ESRRG: variants seen among roughly 807,000 people sequenced by gnomAD.
ESRRG encodes estrogen-related receptor gamma.
ESRRG carries 13 observed loss-of-function variants against 44.0 expected under a neutral mutation model. The observed-to-expected ratio is 0.30, with a 90% CI of 0.19 to 0.47. ESRRG has a LOEUF of 0.47. Ranked by LOEUF, ESRRG falls within the 20% of genes least tolerant of loss-of-function variation. The probability of loss-of-function intolerance (pLI) is 1.00; values close to 1 mark genes in which losing one functional copy is unlikely to be tolerated. For synonymous variants in ESRRG, 215 were observed against 214.6 expected, an observed-to-expected ratio of 1.00 and a Z score of -0.02; for missense variants, 395 against 580.6, an observed-to-expected ratio of 0.68 and a Z score of 3.29.
intron 1 of ESRRG, among the ~76,000 whole-genome samples, chr1:216,956,529 T>C (rs1363786327): frequency 1.3e-5 from 2 of 152,206 alleles, no homozygotes; most frequent in African/African-American, 2.4e-5. Context: ...TATTTTGAAG[T>C]CAGGTAGTGT....
chr1:216,884,588 C>T (rs967424112), intron 2 of ESRRG, among the ~76,000 whole-genome samples: 17 of 152,196 alleles, frequency 1.1e-4, no homozygotes, highest in African/African-American at 4.1e-4. Flanking sequence ...CTGCTAAAAT[C>T]TTTGCTTTGG....
chr1:216,926,744 T>A (rs1241827159), intron 2 of ESRRG, among the ~76,000 whole-genome samples: 1 of 152,154 alleles, frequency 6.6e-6, no homozygotes, highest in East Asian at 1.9e-4. Flanking sequence ...AAGCATATAA[T>A]ATTTCCCCTG....
intron 2 of ESRRG, among the ~76,000 whole-genome samples, chr1:216,777,203 T>A (rs1002634163): frequency 3.9e-5 from 6 of 152,020 alleles, no homozygotes; most frequent in Non-Finnish European, 8.8e-5. Context: ...CACTGTATAT[T>A]ATGGGGTAAC....
chr1:216,690,878 A>G (rs2151725232), intron 1 of ESRRG, among the ~76,000 whole-genome samples: 1 of 152,306 alleles, frequency 6.6e-6, no homozygotes, highest in Admixed American at 6.5e-5. Flanking sequence ...TAAGGCCTGC[A>G]GTGAAAAATA....
chr1:216,771,772 G>A (rs147709639), intron 2 of ESRRG, among the ~76,000 whole-genome samples: 5 of 151,052 alleles, frequency 3.3e-5, no homozygotes, highest in African/African-American at 1.2e-4. Flanking sequence ...TAGAAATACA[G>A]GTGGTAAATT....
chr1:216,650,947 T>G, intron 3 of ESRRG, 26 bp downstream of exon 3: 1 of 1,452,438 alleles, frequency 6.9e-7, no homozygotes, highest in Non-Finnish European at 9.7e-7. Context: ...AATCAAAACC[T>G]CAGGGGCACT....
At chr1:217,123,628 T>C (rs1321212495) in intron 1 of ESRRG, among the ~76,000 whole-genome samples, 1 of 152,082 alleles carries the variant, frequency 6.6e-6, no homozygotes, top group Non-Finnish European at 1.5e-5. Context: ...CTGGAAGCCA[T>C]TATCCTCAGC....
At chr1:217,060,374 AG>A (rs1318967465) in intron 1 of ESRRG, among the ~76,000 whole-genome samples, 1 of 152,110 alleles carries the variant, frequency 6.6e-6, no homozygotes, top group African/African-American at 2.4e-5. Context: ...ATCTTTGCAA[AG>A]TTATATTTAA....
chr1:216,667,825 G>A (rs187248456), intron 2 of ESRRG, among the ~76,000 whole-genome samples: 51 of 151,972 alleles, frequency 3.4e-4, no homozygotes, highest in Non-Finnish European at 6.2e-4. Context: ...AAGGCTGGGC[G>A]CGGTGGCTCA....
chr1:217,124,532 A>G (rs1175122895), intron 1 of ESRRG, among the ~76,000 whole-genome samples: 3 of 152,318 alleles, frequency 2.0e-5, no homozygotes, highest in South Asian at 2.1e-4. Context: ...ACGTGCATGA[A>G]TCAAGGTGGT....
intron 2 of ESRRG, among the ~76,000 whole-genome samples, chr1:216,817,568 G>C (rs1576880144): frequency 6.6e-6 from 1 of 152,166 alleles, no homozygotes; most frequent in Non-Finnish European, 1.5e-5. Flanking sequence ...CGACAGAACA[G>C]AGACATTTCA....
rs138416025 is a variant in ESRRG at position 216,768,874 on chromosome 1, A to G, written c.-13-91383T>C. ...AAGTGAATATCTTGTCTAGGATTAC[A>G]CTCTACTAAGAACAAGAGTCAGGAA... On this transcript the variant is annotated intron_variant, in intron 2 of 7. Transcript: ENST00000359162. Among the ~76,000 whole-genome samples, 293 of 152,128 alleles carry G rather than the reference A, an allele frequency of 1.9e-3. 3 individuals carry two copies. Among genetic ancestry groups the G allele is most frequent in the African/African-American group, 6.7e-3 (280 of 41,502 alleles).
chr1:216,714,195 C>T (rs966746638), intron 1 of ESRRG, among the ~76,000 whole-genome samples: 6 of 151,888 alleles, frequency 4.0e-5, no homozygotes, highest in Admixed American at 2.0e-4. Flanking sequence ...CAAACAGAAA[C>T]AAAAAGAAAA....
chr1:216,934,304 G>T (rs981275125), intron 2 of ESRRG, among the ~76,000 whole-genome samples: 2 of 152,104 alleles, frequency 1.3e-5, no homozygotes, highest in Non-Finnish European at 2.9e-5. Flanking sequence ...CGTGGTGGCA[G>T]GGACCTATAA....
intron 5 of ESRRG, among the ~76,000 whole-genome samples, chr1:216,541,036 T>C (rs2052560041): frequency 6.6e-6 from 1 of 151,964 alleles, no homozygotes; most frequent in Non-Finnish European, 1.5e-5. Flanking sequence ...AAGATATGGT[T>C]CAATGTCCTA....
chr1:216,618,265 T>C (rs1452016359), intron 3 of ESRRG, among the ~76,000 whole-genome samples: 1 of 152,248 alleles, frequency 6.6e-6, no homozygotes, highest in African/African-American at 2.4e-5. Flanking sequence ...CCTGATAGAT[T>C]TGCGTGTTTT....
At chr1:216,596,785 G>A (rs932409661) in intron 3 of ESRRG, among the ~76,000 whole-genome samples, 1 of 152,114 alleles carries the variant, frequency 6.6e-6, no homozygotes, top group Non-Finnish European at 1.5e-5. Context: ...GCAATCAGTG[G>A]CATATGTTTG....
chr1:216,734,892 T>G (rs2089561843), intron 2 of ESRRG, among the ~76,000 whole-genome samples: 1 of 148,564 alleles, frequency 6.7e-6, no homozygotes, highest in South Asian at 2.1e-4. Context: ...GGCTACTACA[T>G]AGTTCCATAT....
intron 2 of ESRRG, among the ~76,000 whole-genome samples, chr1:216,736,409 T>G (rs1049844323): frequency 1.3e-5 from 2 of 151,966 alleles, no homozygotes; most frequent in Middle Eastern, 3.2e-3. Flanking sequence ...GGTCTCGATC[T>G]GCGGACCTCG....
Sources: allele counts gnomAD v4.1 joint callset (sites outside exome capture counted in the v4.1 genomes callset), GRCh38; gene constraint gnomAD v4.1.1; transcripts MANE v1.5; gene names NCBI Gene and HGNC (gene_info 2026-07-23, HGNC 2026-07-21).